The following CPAMD8 variants were observed in gnomAD, a reference collection of about 807,000 sequenced individuals.
CPAMD8 encodes C3 and PZP like alpha-2-macroglobulin domain containing 8.
Under a neutral mutation model 224.7 loss-of-function variants are expected in CPAMD8, and 146 were observed. The ratio of observed to expected loss-of-function variants is 0.65; its 90% CI spans 0.57 to 0.75. The LOEUF (loss-of-function observed/expected upper bound fraction) is 0.75. Among genes scored for constraint, CPAMD8 ranks in the 30% least tolerant of loss-of-function variants. The pLI, the probability that CPAMD8 is intolerant of heterozygous loss-of-function variation, is 0.00. For synonymous variants in CPAMD8, 966 were observed against 1,044.6 expected (o/e 0.92, Z 1.45); for missense variants, 2,301 against 2,537.5 (o/e 0.91, Z 2.00).
At chr19:17,008,647 T>C (rs889658271) in intron 6 of CPAMD8, 88 bp from the exon 7 acceptor site, 6 of 1,407,416 alleles carry the variant, frequency 4.3e-6, no homozygotes, top group African/African-American at 1.4e-5. Flanking sequence ...CAGTCCTCTC[T>C]CTTGGGCATG....
chr19:16,989,396 C>T (rs2055857355), intron 13 of CPAMD8, among the ~76,000 whole-genome samples: 1 of 152,092 alleles, frequency 6.6e-6, no homozygotes, highest in Non-Finnish European at 1.5e-5. Context: ...AAGCAATTCT[C>T]CTGCCTCAGC....
At chr19:17,000,214 G>C (rs1162089303) in intron 10 of CPAMD8, 200 bp downstream of exon 10, 1 of 447,160 alleles carries the variant, frequency 2.2e-6, no homozygotes, top group African/African-American at 2.0e-5. Context: ...AGCACTTTTG[G>C]GGGCAAAGGC....
At chr19:16,937,892 A>G (rs1053426972) in intron 23 of CPAMD8, among the ~76,000 whole-genome samples, 10 of 152,026 alleles carry the variant, frequency 6.6e-5, no homozygotes, top group Non-Finnish European at 1.2e-4. Flanking sequence ...TAACCTTGTG[A>G]TCCACCCGCC....
At chr19:17,022,215 C>A in intron 1 of CPAMD8, 34 bp from the exon 2 acceptor site, 1 of 1,597,592 alleles carries the variant, frequency 6.3e-7, no homozygotes, top group Non-Finnish European at 8.5e-7. Context: ...GAAGTTCTCA[C>A]CCCAGACCCC....
intron 2 of CPAMD8, among the ~76,000 whole-genome samples, chr19:17,021,528 A>T (rs1025718518): frequency 3.9e-5 from 6 of 152,196 alleles, no homozygotes; most frequent in African/African-American, 1.4e-4. Context: ...TGAGCCAGGG[A>T]TCTGCATTCA....
At chr19:16,929,832 C>T (rs2053493640) in intron 23 of CPAMD8, among the ~76,000 whole-genome samples, 2 of 152,208 alleles carry the variant, frequency 1.3e-5, no homozygotes, top group Non-Finnish European at 2.9e-5. Context: ...AAAAGCTAGA[C>T]CATGTTCATG....
rs187064002 is a variant in CPAMD8 at position 16,977,531 on chromosome 19, G to A, written c.1595C>T (p.Pro532Leu). The A allele has an allele frequency of 7.5e-6, 12 of 1,595,304 alleles. No individual in the cohort carries two copies. The African/African-American group carries it at 1.6e-4, about 22-fold the overall frequency. The change falls in exon 15 of 42, where the codon CCA becomes CTA. Residue 532 changes from proline (P) to leucine (L), a missense_variant. Around this residue, in one of 4 missense-constraint regions of CPAMD8, gnomAD observed 301 missense variants for 406.6 expected, o/e 0.74. Transcript: ENST00000443236. ...CACGTCGACCTCAGCTTCTGGGGCT[G>A]GTGGGGGCTCTGAGGTGAGCAAAAG... Reference protein sequence around the residue: ...LTHLSETEPPPAPEAEVDVCV... With the variant: ...LTHLSETEPPLAPEAEVDVCV...
In CPAMD8 at chr19:16,902,835, G is replaced by C; in HGVS notation, c.4499C>G (p.Pro1500Arg). ...CAGCTGGAAAGCTGGCTTGGCCACCGGGTCAGGCACATTGTAGGTGACATC... is the reference window on the plus strand; with the variant it reads ...CAGCTGGAAAGCTGGCTTGGCCACCCGGTCAGGCACATTGTAGGTGACATC... ...QIDVTYNVPDPVAKPAFQLLV... is the reference protein window; with the variant it reads ...QIDVTYNVPDRVAKPAFQLLV... The change falls in exon 35 of 42, where the codon CCG becomes CGG. Residue 1500 changes from proline to arginine, a missense_variant. Physicochemically the swap from Pro to Arg is moderately radical, Grantham distance 103. Coordinates refer to ENST00000443236, the MANE Select transcript of CPAMD8 (RefSeq NM_015692.5). 1.3e-6 allele frequency: 2 copies of C among 1,554,536 alleles called. No individual in the cohort carries two copies. Among genetic ancestry groups the C allele is most frequent in the Non-Finnish European group, 1.7e-6 (2 of 1,147,172 alleles).
intron 3 of CPAMD8, among the ~76,000 whole-genome samples, chr19:17,014,509 G>A (rs564588203): frequency 6.6e-6 from 1 of 152,288 alleles, no homozygotes; most frequent in African/African-American, 2.4e-5. Context: ...ACCCGAGACT[G>A]GGTAATTTAT....
chr19:17,014,359 G>A (rs950252071), intron 3 of CPAMD8, among the ~76,000 whole-genome samples: 13 of 139,258 alleles, frequency 9.3e-5, no homozygotes, highest in African/African-American at 2.5e-4. Flanking sequence ...GCACCTGGCC[G>A]TCCTCTTATT....
chr19:16,903,554 A>ACCT lies in CPAMD8; in HGVS notation c.4470+4_4470+6dup, dbSNP rs2052346202. On this transcript the variant is annotated splice_region_variant and intron_variant, in intron 34 of 41. Coordinates refer to ENST00000443236, the MANE Select transcript of CPAMD8 (RefSeq NM_015692.5). ...CCAAGATCACCTCGTGCTCCCCAAA[A>ACCT]CCTCACCTGCATCAGGCAGCAGCCG... 1.9e-6 allele frequency: 3 copies of ACCT among 1,613,804 alleles called. No individual in the cohort carries two copies. In the African/African-American group the frequency reaches 4.0e-5, roughly 22 times the overall value.
chr19:17,009,537 G>C (rs2056590764), intron 5 of CPAMD8: 2 of 595,700 alleles, frequency 3.4e-6, no homozygotes, highest in Non-Finnish European at 5.3e-6. Flanking sequence ...CACTTTGGGA[G>C]GCCAAGGCGG....
intron 29 of CPAMD8, among the ~76,000 whole-genome samples, chr19:16,908,229 G>A (rs1467560481): frequency 6.6e-6 from 1 of 151,954 alleles, no homozygotes; most frequent in Non-Finnish European, 1.5e-5. Flanking sequence ...CGTGGTGGTG[G>A]GCGCCTATAA....
At chr19:16,922,140 C>G (rs2053199539) in intron 26 of CPAMD8, among the ~76,000 whole-genome samples, 154 bp from the exon 27 acceptor site, 1 of 152,186 alleles carries the variant, frequency 6.6e-6, no homozygotes, top group Admixed American at 6.5e-5. Flanking sequence ...CATCTGGAGT[C>G]CTTGAAACTG....
chr19:16,979,269 GCCA>G, intron 14 of CPAMD8, among the ~76,000 whole-genome samples: 1 of 144,892 alleles, frequency 6.9e-6, no homozygotes, highest in Non-Finnish European at 1.5e-5. Flanking sequence ...CCACCCATTA[GCCA>G]TCCATCCATC....
At chr19:16,904,060 G>A (rs2052370473) in intron 32 of CPAMD8, among the ~76,000 whole-genome samples, 166 bp downstream of exon 32, 1 of 152,130 alleles carries the variant, frequency 6.6e-6, no homozygotes, top group Admixed American at 6.5e-5. Context: ...GGCTCCCATG[G>A]GGGATCCAGG....
intron 3 of CPAMD8, among the ~76,000 whole-genome samples, chr19:17,012,656 T>G (rs573519419): frequency 1.1e-3 from 161 of 152,212 alleles, no homozygotes; most frequent in Non-Finnish European, 6.6e-4. Flanking sequence ...CTTTCAGCCA[T>G]GCTGAGGCTG....
chr19:16,974,108 A>G (rs1185858172), intron 17 of CPAMD8, among the ~76,000 whole-genome samples: 1 of 150,644 alleles, frequency 6.6e-6, no homozygotes, highest in Non-Finnish European at 1.5e-5. Context: ...GATTACAGGC[A>G]TGAGCCACCG....
intron 27 of CPAMD8, among the ~76,000 whole-genome samples, chr19:16,915,093 C>T (rs1361402783): frequency 6.6e-6 from 1 of 152,260 alleles, no homozygotes. Flanking sequence ...CAAGGCCCTT[C>T]TGTGAGCTGG....
Sources: allele counts gnomAD v4.1 joint callset (sites outside exome capture counted in the v4.1 genomes callset), GRCh38; gene constraint gnomAD v4.1.1; regional missense constraint gnomAD v4.1.1; transcripts MANE v1.5; gene names NCBI Gene and HGNC (gene_info 2026-07-23, HGNC 2026-07-21).